Variants in ANKRD30BL observed in about 807,000 individuals in gnomAD.
ANKRD30BL encodes the protein putative ankyrin repeat domain-containing protein 30B-like.
A neutral mutation model predicts 18.4 loss-of-function variants in ANKRD30BL; 20 were observed. The ratio of observed to expected loss-of-function variants is 1.09; its 90% CI spans 0.77 to 1.58. ANKRD30BL has a LOEUF of 1.58. ANKRD30BL is among the 40% of genes most tolerant of loss of function. ANKRD30BL has a pLI of 0.00. For missense variants in ANKRD30BL, 224 were observed against 268.6 expected, an observed-to-expected ratio of 0.83 and a Z score of 1.16; for synonymous variants, 72 against 100.9, an observed-to-expected ratio of 0.71 and a Z score of 1.72.
chr2:132,201,853 T>A (rs1679105789), intron 1 of ANKRD30BL, among the ~76,000 whole-genome samples: 1 of 152,214 alleles, frequency 6.6e-6, no homozygotes, highest in South Asian at 2.1e-4. Flanking sequence ...GTATGTTTAT[T>A]GTGGCATTAT....
chr2:132,199,725 G>A (rs1679054735), intron 1 of ANKRD30BL, among the ~76,000 whole-genome samples: 2 of 151,994 alleles, frequency 1.3e-5, no homozygotes, highest in African/African-American at 4.8e-5. Context: ...TTGTTTATTA[G>A]TAGTAGTTTT....
chr2:132,173,619 T>C (rs1274674569), intron 1 of ANKRD30BL, among the ~76,000 whole-genome samples: 1 of 152,138 alleles, frequency 6.6e-6, no homozygotes. Context: ...CATAGTTGTC[T>C]TATTCTAACA....
At chr2:132,190,674 C>T (rs1678827413) in intron 1 of ANKRD30BL, among the ~76,000 whole-genome samples, 1 of 152,080 alleles carries the variant, frequency 6.6e-6, no homozygotes, top group South Asian at 2.1e-4. Flanking sequence ...GGAGAAATAG[C>T]CAACTGGGTA....
intron 1 of ANKRD30BL, among the ~76,000 whole-genome samples, chr2:132,168,822 T>C (rs6726195): frequency 0.61 from 90,612 of 148,746 alleles, 29,674 homozygotes; most frequent in African/African-American, 0.87. Context: ...ATACATACAT[T>C]ACATCATATT....
At chr2:132,175,353 T>A in intron 1 of ANKRD30BL, among the ~76,000 whole-genome samples, 1 of 152,186 alleles carries the variant, frequency 6.6e-6, no homozygotes, top group Non-Finnish European at 1.5e-5. Flanking sequence ...GTAGGCCAGA[T>A]TTATGTTTCT....
Position 132,181,265 on chromosome 2 carries a change from G to A in ANKRD30BL, n.442-24119C>T, listed in dbSNP as rs189714271. On this transcript the variant is annotated intron_variant and non_coding_transcript_variant, in intron 1 of 4. Transcript: ENST00000470729. ...GACGTGGGCGGATTGCCTGAGCTCA[G>A]GAGTTTGAGACCAGCCTGGGCAACA... Among the ~76,000 whole-genome samples the A allele has an allele frequency of 1.5e-3, 224 of 152,160 alleles. 3 individuals are homozygous for A. Among genetic ancestry groups the A allele is most frequent in the African/African-American group, 4.9e-3 (205 of 41,526 alleles).
At chr2:132,159,049 TA>T (rs1467925575) in intron 1 of ANKRD30BL, among the ~76,000 whole-genome samples, 3 of 151,940 alleles carry the variant, frequency 2.0e-5, no homozygotes, top group African/African-American at 7.2e-5. Flanking sequence ...TCAAAGATAA[TA>T]AAAAGGAAAA....
chr2:132,227,777 A>T (rs548445055), intron 1 of ANKRD30BL, among the ~76,000 whole-genome samples: 2 of 152,204 alleles, frequency 1.3e-5, no homozygotes, highest in South Asian at 4.1e-4. Flanking sequence ...TGTGCCTTCA[A>T]CTCAAATAGC....
Position 132,198,264 on chromosome 2 carries a change from TTTCTTTTC to T in ANKRD30BL, n.442-41126_442-41119del, listed in dbSNP as rs1244567419. 1.3e-3 allele frequency among the ~76,000 whole-genome samples: 178 copies of T among 135,806 alleles called. 2 individuals are homozygous for T. Among genetic ancestry groups the T allele is most frequent in the Non-Finnish European group, 1.5e-3 (103 of 67,188 alleles). 89.1% of individuals were successfully genotyped at this position (135,806 alleles called of 152,430 possible). On this transcript the variant is annotated intron_variant and non_coding_transcript_variant, in intron 1 of 4. Transcript: ENST00000470729. Reference sequence around the variant, plus strand: ...TTCATAATTTACTATACCTTCTTTCTTTCTTTTCTTTCTTTCTTTCTTTCTTTCTTTCT... The same window carrying T: ...TTCATAATTTACTATACCTTCTTTCTTTTCTTTCTTTCTTTCTTTCTTTCT...
chr2:132,187,119 A>T lies in ANKRD30BL; in HGVS notation n.442-29973T>A, dbSNP rs773768857. Among the ~76,000 whole-genome samples the T allele has an allele frequency of 2.9e-3, 435 of 151,816 alleles. 1 individual carries two copies. The highest frequency in any genetic ancestry group is 5.5e-3 in the African/African-American group (226 of 41,438). ...AGGCAGCTAAGATATTTATTTTTTT[A>T]AAAAAAGGATAGAAAACTTTGTAAT... On this transcript the variant is annotated intron_variant and non_coding_transcript_variant, in intron 1 of 4. Coordinates refer to the ANKRD30BL transcript ENST00000470729.
At chr2:132,238,311 A>G (rs1680216090) in intron 1 of ANKRD30BL, among the ~76,000 whole-genome samples, 1 of 151,826 alleles carries the variant, frequency 6.6e-6, no homozygotes, top group Admixed American at 6.6e-5. Context: ...TTCACATAAA[A>G]TTGACAGAAG....
intron 1 of ANKRD30BL, among the ~76,000 whole-genome samples, chr2:132,159,638 C>G (rs1688003679): frequency 6.6e-6 from 1 of 152,102 alleles, no homozygotes; most frequent in South Asian, 2.1e-4. Flanking sequence ...AGTGAATTAT[C>G]TATAAAATGA....
intron 1 of ANKRD30BL, among the ~76,000 whole-genome samples, chr2:132,229,953 C>T (rs571719542): frequency 9.3e-4 from 142 of 151,950 alleles, no homozygotes; most frequent in African/African-American, 2.9e-3. Flanking sequence ...TCTTTATAAA[C>T]GTGAATATCT....
At chr2:132,255,578 C>T (rs1260171790) in intron 1 of ANKRD30BL, among the ~76,000 whole-genome samples, 1 of 152,144 alleles carries the variant, frequency 6.6e-6, no homozygotes. Flanking sequence ...ACCACGGCTG[C>T]TGGCACCAGA....
At chr2:132,197,513 T>C (rs1678992519) in intron 1 of ANKRD30BL, among the ~76,000 whole-genome samples, 1 of 152,032 alleles carries the variant, frequency 6.6e-6, no homozygotes, top group East Asian at 1.9e-4. Context: ...GTATGTTTTT[T>C]GATCCTGTAT....
chr2:132,164,105 G>A (rs531753707), upstream of ANKRD30BL, among the ~76,000 whole-genome samples: 18 of 151,982 alleles, frequency 1.2e-4, no homozygotes, highest in Middle Eastern at 3.4e-3. Context: ...TTTGTCATCC[G>A]TTTGCTTAAC....
At chr2:132,221,861 G>C (rs1287719860) in intron 1 of ANKRD30BL, among the ~76,000 whole-genome samples, 1 of 125,132 alleles carries the variant, frequency 8.0e-6, no homozygotes, top group East Asian at 2.4e-4. Context: ...CCGTCCGGGA[G>C]GGGGGAGGGG....
chr2:132,154,071 A>G (rs1687837602), intron 4 of ANKRD30BL, among the ~76,000 whole-genome samples: 1 of 152,168 alleles, frequency 6.6e-6, no homozygotes, highest in African/African-American at 2.4e-5. Flanking sequence ...TTAAAACAAT[A>G]TTAGGAATAA....
At chr2:132,207,749 GA>G (rs1163110222) in intron 1 of ANKRD30BL, among the ~76,000 whole-genome samples, 1 of 152,098 alleles carries the variant, frequency 6.6e-6, no homozygotes, top group Non-Finnish European at 1.5e-5. Context: ...CAGATAAATG[GA>G]AAGAAGGGTG....
Sources: allele counts gnomAD v4.1 joint callset (sites outside exome capture counted in the v4.1 genomes callset), GRCh38; gene constraint gnomAD v4.1.1; transcripts MANE v1.5; gene names NCBI Gene and HGNC (gene_info 2026-07-23, HGNC 2026-07-21).